TAFA1: variants seen among roughly 807,000 people sequenced by gnomAD.
TAFA1 encodes TAFA chemokine like family member 1.
Under a neutral mutation model 18.5 loss-of-function variants are expected in TAFA1, and 4 were observed. The ratio of observed to expected loss-of-function variants is 0.22; its 90% confidence interval spans 0.11 to 0.49. The LOEUF is 0.49. TAFA1 is among the 20% of genes least tolerant of loss of function. The pLI is 0.98. For missense variants in TAFA1, 147 were observed against 169.0 expected (o/e 0.87, Z 0.72); for synonymous variants, 56 against 55.2 (o/e 1.01, Z -0.06).
chr3:68,286,550 A>C (rs1440253298), intron 2 of TAFA1, among the ~76,000 whole-genome samples: 1 of 152,188 alleles, frequency 6.6e-6, no homozygotes, highest in Non-Finnish European at 1.5e-5. Context: ...CGGAGGATGC[A>C]AAGAAGGATT....
chr3:68,138,808 C>G (rs6549017), intron 2 of TAFA1, among the ~76,000 whole-genome samples: 1 of 151,648 alleles, frequency 6.6e-6, no homozygotes, highest in African/African-American at 2.4e-5. Flanking sequence ...GTTTGCTACT[C>G]TTGATAGTTG....
intron 2 of TAFA1, among the ~76,000 whole-genome samples, chr3:68,127,562 C>G: frequency 1.2e-4 from 1 of 8,492 alleles, no homozygotes; most frequent in African/African-American, 4.3e-4. Flanking sequence ...TGACAGTGAT[C>G]ATGATGGTAG....
At chr3:68,142,640 G>C (rs191154576) in intron 2 of TAFA1, among the ~76,000 whole-genome samples, 1 of 152,132 alleles carries the variant, frequency 6.6e-6, no homozygotes, top group Non-Finnish European at 1.5e-5. Context: ...ACTCTAACAG[G>C]GTGGGCTAAA....
intron 2 of TAFA1, among the ~76,000 whole-genome samples, chr3:68,047,184 T>C (rs898012899): frequency 2.0e-5 from 3 of 152,200 alleles, no homozygotes; most frequent in African/African-American, 4.8e-5. Context: ...TTTCTTTCTT[T>C]AGACAAGTCT....
intron 2 of TAFA1, among the ~76,000 whole-genome samples, chr3:68,115,755 C>T (rs1402430637): frequency 1.3e-5 from 2 of 152,188 alleles, no homozygotes; most frequent in African/African-American, 4.8e-5. Context: ...TTCCCATGTG[C>T]TGCTCCCCAT....
At chr3:68,502,580 A>G (rs1460830138) in intron 3 of TAFA1, among the ~76,000 whole-genome samples, 1 of 151,754 alleles carries the variant, frequency 6.6e-6, no homozygotes, top group Non-Finnish European at 1.5e-5. Context: ...CTACCAATAT[A>G]GCAGATTATG....
intron 2 of TAFA1, among the ~76,000 whole-genome samples, chr3:68,141,301 A>G (rs2065664621): frequency 1.3e-5 from 2 of 152,208 alleles, no homozygotes; most frequent in Admixed American, 6.5e-5. Flanking sequence ...ATACCTCACA[A>G]GAATCTCCTT....
At chr3:68,030,742 T>C (rs1193518124) in intron 2 of TAFA1, among the ~76,000 whole-genome samples, 1 of 152,188 alleles carries the variant, frequency 6.6e-6, no homozygotes, top group Non-Finnish European at 1.5e-5. Flanking sequence ...TGTGTCTTTA[T>C]AGTAGAATGA....
intron 2 of TAFA1, among the ~76,000 whole-genome samples, chr3:68,407,054 A>G (rs1453364333): frequency 6.6e-6 from 1 of 152,164 alleles, no homozygotes; most frequent in Non-Finnish European, 1.5e-5. Context: ...ATTTTATTTC[A>G]GGGAGATAAT....
intron 2 of TAFA1, among the ~76,000 whole-genome samples, chr3:68,286,246 AT>A (rs148492305): frequency 2.0e-5 from 3 of 152,046 alleles, no homozygotes; most frequent in African/African-American, 7.2e-5. Context: ...ATTTAAAAAA[AT>A]TTTTTAAATT....
chr3:68,309,692 T>C (rs1178616587), intron 2 of TAFA1, among the ~76,000 whole-genome samples: 3 of 152,230 alleles, frequency 2.0e-5, no homozygotes, highest in Non-Finnish European at 4.4e-5. Flanking sequence ...CCACCTAAAC[T>C]TACTTGAGCA....
chr3:68,153,250 C>A (rs1040972880), intron 2 of TAFA1, among the ~76,000 whole-genome samples: 1 of 152,148 alleles, frequency 6.6e-6, no homozygotes, highest in African/African-American at 2.4e-5. Flanking sequence ...GATCCAATAG[C>A]AAACTATTCA....
intron 2 of TAFA1, among the ~76,000 whole-genome samples, chr3:68,327,525 C>A (rs568318328): frequency 6.6e-6 from 1 of 152,086 alleles, no homozygotes; most frequent in Non-Finnish European, 1.5e-5. Flanking sequence ...CAGCATGAAA[C>A]TGGTCAAAAT....
intron 2 of TAFA1, among the ~76,000 whole-genome samples, chr3:68,411,293 T>C (rs191199000): frequency 1.4e-4 from 21 of 152,294 alleles, no homozygotes; most frequent in Non-Finnish European, 2.8e-4. Flanking sequence ...ACGGTGTGTA[T>C]TTTACAAGCA....
chr3:68,074,559 A>G (rs1287818527), intron 2 of TAFA1, among the ~76,000 whole-genome samples: 1 of 152,234 alleles, frequency 6.6e-6, no homozygotes, highest in Non-Finnish European at 1.5e-5. Context: ...GGATATGATG[A>G]CACTAAAATG....
chr3:68,084,216 A>T (rs1292321628), intron 2 of TAFA1, among the ~76,000 whole-genome samples: 2 of 152,138 alleles, frequency 1.3e-5, no homozygotes, highest in African/African-American at 2.4e-5. Context: ...TGTGGCAGGC[A>T]CCTCTTTAGT....
At chr3:68,013,617 A>G (rs1431385087) in intron 2 of TAFA1, among the ~76,000 whole-genome samples, 1 of 152,058 alleles carries the variant, frequency 6.6e-6, no homozygotes, top group Non-Finnish European at 1.5e-5. Context: ...CAAGAGAAAA[A>G]GTCACTTTGC....
At chr3:68,253,191 G>A (rs1475876668) in intron 2 of TAFA1, among the ~76,000 whole-genome samples, 1 of 152,104 alleles carries the variant, frequency 6.6e-6, no homozygotes, top group East Asian at 1.9e-4. Context: ...ACTTATAAAA[G>A]CATTTAGAAA....
intron 2 of TAFA1, among the ~76,000 whole-genome samples, chr3:68,062,830 C>A (rs1429928824): frequency 1.3e-5 from 2 of 152,144 alleles, no homozygotes; most frequent in African/African-American, 4.8e-5. Context: ...AAGAAATGCT[C>A]CATGGTGGGG....
Sources: allele counts gnomAD v4.1 joint callset (sites outside exome capture counted in the v4.1 genomes callset), GRCh38; gene constraint gnomAD v4.1.1; transcripts MANE v1.5; gene names NCBI Gene and HGNC (gene_info 2026-07-23, HGNC 2026-07-21).